The following CHTF8 variants were observed in gnomAD, a reference collection of about 807,000 sequenced individuals.
CHTF8 encodes chromosome transmission fidelity protein 8 homolog.
A neutral mutation model predicts 11.0 loss-of-function variants in CHTF8; 6 were observed. The observed-to-expected ratio is 0.55, with a 90% CI of 0.30 to 1.08. CHTF8 has a LOEUF of 1.08. Ranked by LOEUF, CHTF8 falls within the 50% of genes least tolerant of loss-of-function variation. The pLI is 0.07. For missense variants in CHTF8, 140 were observed against 153.1 expected (o/e 0.91, Z 0.45); for synonymous variants, 53 against 60.5 (o/e 0.88, Z 0.57).
chr16:69,123,112 G>A (rs1161800980), intron 1 of CHTF8, among the ~76,000 whole-genome samples: 2 of 152,142 alleles, frequency 1.3e-5, no homozygotes, highest in African/African-American at 2.4e-5. Context: ...CCAAGATGGA[G>A]TGAGCAAAAT....
Position 69,118,480 on chromosome 16 carries a change from G to A in CHTF8, c.*1945C>T, listed in dbSNP as rs760160683. The A allele has an allele frequency of 1.4e-6, 2 of 1,452,208 alleles. No homozygotes were observed. Among genetic ancestry groups the A allele is most frequent in the Admixed American group, 1.7e-5 (1 of 59,780 alleles). 90.0% of individuals were successfully genotyped at this position (1,452,208 alleles called of 1,614,324 possible). On this transcript the variant is annotated 3_prime_UTR_variant, in exon 4 of 4. Coordinates refer to ENST00000448552, the MANE Select transcript of CHTF8 (RefSeq NM_001039690.5). ...AGCAGTGAGCTGATTCTCCAATGGTGAGCAGGGGACTACATGTGAACTGGG... is the reference window on the plus strand; with the variant it reads ...AGCAGTGAGCTGATTCTCCAATGGTAAGCAGGGGACTACATGTGAACTGGG...
chr16:69,129,008 G>A (rs1962292480), intron 1 of CHTF8, among the ~76,000 whole-genome samples: 1 of 151,990 alleles, frequency 6.6e-6, no homozygotes, highest in African/African-American at 2.4e-5. Flanking sequence ...TAGTTACAGT[G>A]AGCCGAGACT....
chr16:69,129,130 T>G (rs948947941), intron 1 of CHTF8, among the ~76,000 whole-genome samples: 1 of 150,524 alleles, frequency 6.6e-6, no homozygotes, highest in Admixed American at 6.6e-5. Flanking sequence ...CATGATTTCT[T>G]AAGAAAAGCC....
chr16:69,120,776 T>C lies in CHTF8; in HGVS notation c.142-127A>G. 1.2e-6 allele frequency: 1 copy of C among 850,430 alleles called. No homozygotes were observed. The highest frequency in any genetic ancestry group is 1.9e-6 in the Non-Finnish European group (1 of 531,630). 52.7% of individuals were successfully genotyped at this position (850,430 alleles called of 1,614,324 possible). ...ATCCCTGGTCTGGCTCTGCCATTGT[T>C]GAGCAGCCACACTGGACCACCCACC... On this transcript the variant is annotated intron_variant, in intron 3 of 3. Transcript: ENST00000448552. This position sits in a 1 kb window ranked among gnomAD's most constrained non-coding sequence, Gnocchi z 4.0.
intron 1 of CHTF8, among the ~76,000 whole-genome samples, chr16:69,126,808 GTTAT>G (rs1962091585): frequency 6.6e-6 from 1 of 152,122 alleles, no homozygotes; most frequent in East Asian, 1.9e-4. Context: ...CCTGAATTCT[GTTAT>G]TTCTTTTCTT....
At chr16:69,128,837 G>A (rs567433570) in intron 1 of CHTF8, among the ~76,000 whole-genome samples, 4 of 152,238 alleles carry the variant, frequency 2.6e-5, no homozygotes, top group East Asian at 3.9e-4. Flanking sequence ...AGCCCAAGGC[G>A]GGTAGATCAT....
rs117169105 is a variant in CHTF8 at position 69,118,488 on chromosome 16, G to A, written c.*1937C>T. 1.5e-6 allele frequency: 2 copies of A among 1,353,348 alleles called. No homozygotes were observed. The highest frequency in any genetic ancestry group is 2.1e-6 in the Non-Finnish European group (2 of 941,512). The allele number at this position is 1,353,348 out of a possible 1,614,324, so 83.8% of individuals were successfully genotyped here. A position where few individuals can be genotyped will look rare whatever the true frequency, so the allele number is the denominator to read the frequency against. ...GCTGATTCTCCAATGGTGAGCAGGG[G>A]ACTACATGTGAACTGGGACCTGCAG... On this transcript the variant is annotated 3_prime_UTR_variant, in exon 4 of 4. Coordinates refer to ENST00000448552, the MANE Select transcript of CHTF8 (RefSeq NM_001039690.5).
chr16:69,130,945 A>G (rs1962457068), intron 1 of CHTF8, among the ~76,000 whole-genome samples: 1 of 152,216 alleles, frequency 6.6e-6, no homozygotes, highest in African/African-American at 2.4e-5. Context: ...TATGATGACT[A>G]TGTCTCTATG....
At chr16:69,125,186 G>T (rs1487503115) in intron 1 of CHTF8, among the ~76,000 whole-genome samples, 2 of 152,196 alleles carry the variant, frequency 1.3e-5, no homozygotes, top group Admixed American at 1.3e-4. Context: ...TTACAGGCTT[G>T]AGTCATTGCG....
At chr16:69,128,101 G>A (rs1375637467) in intron 1 of CHTF8, among the ~76,000 whole-genome samples, 1 of 151,786 alleles carries the variant, frequency 6.6e-6, no homozygotes, top group South Asian at 2.1e-4. Context: ...TTTTAGTAGA[G>A]ATGGGGTTTC....
At chr16:69,130,514 A>G (rs1263129007) in intron 1 of CHTF8, among the ~76,000 whole-genome samples, 1 of 152,184 alleles carries the variant, frequency 6.6e-6, no homozygotes, top group East Asian at 1.9e-4. Context: ...TGAAGCACTC[A>G]CTTGTCATAC....
In CHTF8 at chr16:69,132,502, AGCGCGGCGCC is replaced by A. The variant is rs1962629367; in HGVS notation, c.-64_-55del. 3.7e-6 allele frequency: 1 copy of A among 268,210 alleles called. No individual in the cohort carries two copies. The highest frequency in any genetic ancestry group is 7.1e-6 in the Non-Finnish European group (1 of 140,124). The allele number at this position is 268,210 out of a possible 1,614,324, so 16.6% of individuals were successfully genotyped here. A position where few individuals can be genotyped will look rare whatever the true frequency, so the allele number is the denominator to read the frequency against. ...GCCTGACCTGCAATGGCGGCCGCCGAGCGCGGCGCCGCGCGGCCAACGGGCGACAACCGAA... is the reference window on the plus strand; with the variant it reads ...GCCTGACCTGCAATGGCGGCCGCCGAGCGCGGCCAACGGGCGACAACCGAA... On this transcript the variant is annotated 5_prime_UTR_variant, in exon 1 of 4. Transcript: ENST00000448552.
In CHTF8 at chr16:69,120,726, T is replaced by C; in HGVS notation, c.142-77A>G. The stretch of plus-strand genomic sequence containing the variant: ...ACTCAGGCGCCTCCTAAAGCTGCTC[T>C]TGGCAGGCTATGCTGGCACCTCCAA... On this transcript the variant is annotated intron_variant, in intron 3 of 3. Coordinates refer to ENST00000448552, the MANE Select transcript of CHTF8 (RefSeq NM_001039690.5). The surrounding 1 kb of genome is among the most constrained non-coding windows in gnomAD (Gnocchi z 4.0). 7.7e-7 allele frequency: 1 copy of C among 1,304,246 alleles called. No individual in the cohort carries two copies. Among genetic ancestry groups the C allele is most frequent in the Non-Finnish European group, 1.1e-6 (1 of 924,860 alleles). 80.8% of individuals were successfully genotyped at this position (1,304,246 alleles called of 1,614,324 possible). A position where few individuals can be genotyped will look rare whatever the true frequency, so the allele number is the denominator to read the frequency against.
At chr16:69,125,582 A>G (rs554437966) in intron 1 of CHTF8, among the ~76,000 whole-genome samples, 11 of 152,360 alleles carry the variant, frequency 7.2e-5, no homozygotes, top group African/African-American at 2.6e-4. Flanking sequence ...GCAATATGGA[A>G]TCAAGAGAGC....
Position 69,132,554 on chromosome 16 carries a change from C to A in CHTF8, c.-106G>T. On this transcript the variant is annotated 5_prime_UTR_variant, in exon 1 of 4. Transcript: ENST00000448552. ...ACAACCGAACCTCCCGCCGCCGTCG[C>A]CGCCGCCGCGAGCACTGCCTGCGCA... 1 of 369,154 alleles carries A rather than the reference C, an allele frequency of 2.7e-6. No homozygotes were observed. Among genetic ancestry groups the A allele is most frequent in the Non-Finnish European group, 5.3e-6 (1 of 187,798 alleles). 22.9% of individuals were successfully genotyped at this position (369,154 alleles called of 1,614,324 possible).
intron 1 of CHTF8, among the ~76,000 whole-genome samples, chr16:69,130,667 T>C (rs1962433387): frequency 6.6e-6 from 1 of 152,242 alleles, no homozygotes; most frequent in Non-Finnish European, 1.5e-5. Flanking sequence ...GTAAAGCTTT[T>C]AGCACATTGT....
At chr16:69,123,051 A>C (rs899807946) in intron 1 of CHTF8, among the ~76,000 whole-genome samples, 5 of 152,122 alleles carry the variant, frequency 3.3e-5, no homozygotes, top group African/African-American at 9.6e-5. Context: ...GAGCCACTGC[A>C]CCCGGCCTCT....
At chr16:69,132,287 T>A in intron 1 of CHTF8, 197 bp downstream of exon 1, 1 of 26,560 alleles carries the variant, frequency 3.8e-5, no homozygotes, top group African/African-American at 1.6e-4. Context: ...CGCGCCGCCC[T>A]CCCGCCGCCC....
At position 69,119,423 on chromosome 16, in the gene CHTF8, T is replaced by G; in HGVS notation, c.*1002A>C. 1.4e-6 allele frequency: 1 copy of G among 702,890 alleles called. No individual in the cohort carries two copies. Among genetic ancestry groups the G allele is most frequent in the East Asian group, 2.7e-5 (1 of 37,256 alleles). 43.5% of individuals were successfully genotyped at this position (702,890 alleles called of 1,614,324 possible). A position where few individuals can be genotyped will look rare whatever the true frequency, so the allele number is the denominator to read the frequency against. On this transcript the variant is annotated 3_prime_UTR_variant, in exon 4 of 4. Coordinates refer to ENST00000448552, the MANE Select transcript of CHTF8 (RefSeq NM_001039690.5). The stretch of plus-strand genomic sequence containing the variant: ...TTAGGGCCTATGGGGCCAGGAGCCC[T>G]TGACATGGGAGATGGATTTGGCCCT...
Sources: gnomAD v4.1 joint callset for allele counts (sites outside exome capture counted in the v4.1 genomes callset) on GRCh38, gnomAD v4.1.1 for gene constraint, Gnocchi (gnomAD v3.1) non-coding constraint, MANE v1.5 for transcripts, NCBI Gene and HGNC (gene_info 2026-07-23, HGNC 2026-07-21) for gene names.